Variants in POGZ observed in about 807,000 individuals in gnomAD.
POGZ encodes pogo transposable element derived with ZNF domain.
POGZ carries 17 observed loss-of-function variants against 134.6 expected under a neutral mutation model. That is an observed-to-expected ratio of 0.13 (90% CI 0.09 to 0.19). The LOEUF (loss-of-function observed/expected upper bound fraction) is 0.19, where lower values mean the gene tolerates loss of function less well. POGZ is among the 10% of genes least tolerant of loss of function. The pLI, the probability that POGZ is intolerant of heterozygous loss-of-function variation, is 1.00. For synonymous variants in POGZ, 693 were observed against 657.1 expected (o/e 1.05, Z -0.84); for missense variants, 1,306 against 1,769.7 (o/e 0.74, Z 4.70).
chr1:151,439,531 A>C lies in POGZ; in HGVS notation c.283+1397T>G, dbSNP rs774339764. Among the ~76,000 whole-genome samples, 52 of 152,332 alleles carry C rather than the reference A, an allele frequency of 3.4e-4. 1 individual carries two copies. Among genetic ancestry groups the C allele is most frequent in the Middle Eastern group, 3.4e-3 (1 of 294 alleles). On this transcript the variant is annotated intron_variant, in intron 3 of 18. Coordinates refer to ENST00000271715, the MANE Select transcript of POGZ (RefSeq NM_015100.4). ...TCAAATTATAAACACCTGATCCAGC[A>C]AATCTCACCTCTAAGACTTTATATT...
At position 151,406,602 on chromosome 1, in the gene POGZ, G is replaced by C; in HGVS notation, c.2570+5C>G. 6.2e-7 allele frequency: 1 copy of C among 1,609,904 alleles called. No homozygotes were observed. Among genetic ancestry groups the C allele is most frequent in the Non-Finnish European group, 8.5e-7 (1 of 1,178,616 alleles). On this transcript the variant is annotated splice_donor_5th_base_variant and intron_variant, in intron 18 of 18. Transcript: ENST00000271715. ...AAATTAAATTGTGAGGTGAGTTTTT[G>C]TTACCTTGAGTGAGCTATCCAAGTG...
chr1:151,407,839 G>A (rs1571336463), intron 15 of POGZ, among the ~76,000 whole-genome samples: 1 of 151,660 alleles, frequency 6.6e-6, no homozygotes, highest in Admixed American at 6.6e-5. Flanking sequence ...GTGAAACCCC[G>A]TCTCTACTAA....
In POGZ at chr1:151,452,722, T is replaced by C. The variant is rs544683777; in HGVS notation, c.-2+6430A>G. ...CTACTAAAAATACAAAAATTAGCCA[T>C]GCGTGGTGGCTGGTGCCTGCAGTCC... On this transcript the variant is annotated intron_variant, in intron 1 of 18. Coordinates refer to ENST00000271715, the MANE Select transcript of POGZ (RefSeq NM_015100.4). Among the ~76,000 whole-genome samples the C allele has an allele frequency of 5.3e-5, 8 of 151,702 alleles. 1 individual carries two copies. Among genetic ancestry groups the C allele is most frequent in the Admixed American group, 1.3e-4 (2 of 15,060 alleles).
chr1:151,446,941 TCA>T (rs1661366052), intron 1 of POGZ, among the ~76,000 whole-genome samples: 2 of 152,118 alleles, frequency 1.3e-5, no homozygotes, highest in Admixed American at 1.3e-4. Context: ...TATTCGTCAC[TCA>T]GTTTCAAAAA....
chr1:151,434,923 T>C (rs1367192460), intron 3 of POGZ, among the ~76,000 whole-genome samples: 7 of 151,756 alleles, frequency 4.6e-5, no homozygotes, highest in African/African-American at 9.7e-5. Flanking sequence ...TTTTTTTTTT[T>C]CACAAGGAGT....
At chr1:151,454,378 CTA>C in intron 1 of POGZ, among the ~76,000 whole-genome samples, 1 of 152,166 alleles carries the variant, frequency 6.6e-6, no homozygotes. Context: ...GTGTATAAAA[CTA>C]TAGTTAAACA....
At chr1:151,436,800 T>A (rs1659659008) in intron 3 of POGZ, among the ~76,000 whole-genome samples, 1 of 152,270 alleles carries the variant, frequency 6.6e-6, no homozygotes, top group African/African-American at 2.4e-5. Flanking sequence ...GATACTGCTA[T>A]GAACATTAGT....
At chr1:151,456,404 T>C (rs1211321710) in intron 1 of POGZ, among the ~76,000 whole-genome samples, 1 of 152,202 alleles carries the variant, frequency 6.6e-6, no homozygotes, top group Non-Finnish European at 1.5e-5. Context: ...GTTGTTTTCC[T>C]AAAAGTGACA....
intron 10 of POGZ, 27 bp downstream of exon 10, chr1:151,423,370 C>T: frequency 1.9e-6 from 3 of 1,603,618 alleles, no homozygotes; most frequent in Non-Finnish European, 2.6e-6. Flanking sequence ...GTATATTCCC[C>T]TTGAGTTTAA....
chr1:151,411,872 A>G (rs939801531), intron 11 of POGZ, 101 bp from the exon 12 acceptor site: 56 of 1,023,902 alleles, frequency 5.5e-5, no homozygotes, highest in Non-Finnish European at 7.0e-5. Context: ...TAAAAAAAAA[A>G]AGTTTTCTCA....
intron 1 of POGZ, chr1:151,442,463 A>C: frequency 3.8e-6 from 1 of 261,568 alleles, no homozygotes. Context: ...TAATCCCAAC[A>C]TTTTGGGAAG....
chr1:151,433,746 T>A (rs1571489617), intron 3 of POGZ, among the ~76,000 whole-genome samples: 1 of 152,272 alleles, frequency 6.6e-6, no homozygotes, highest in African/African-American at 2.4e-5. Flanking sequence ...AAATTATACT[T>A]ACTTATTTAG....
Position 151,428,034 on chromosome 1 carries a change from G to A in POGZ, c.867C>T (p.Ser289=). ...NQTTNPKLAP[S]FPSPPAVSIA... is the part of the protein sequence containing the mutation. The stretch of plus-strand genomic sequence containing the variant: ...TGCTCACTGCAGGTGGAGAGGGGAA[G>A]GAGGGAGCTACGGTGACCAAGTGAT... Residue 289 remains serine (S), a synonymous_variant, in exon 7 of 19, where the codon TCC becomes TCT. Coordinates refer to ENST00000271715, the MANE Select transcript of POGZ (RefSeq NM_015100.4). The A allele has an allele frequency of 1.2e-6, 2 of 1,614,190 alleles. No individual in the cohort carries two copies. The highest frequency in any genetic ancestry group is 1.7e-6 in the Non-Finnish European group (2 of 1,180,008).
At position 151,453,820 on chromosome 1, in the gene POGZ, G is replaced by A. The variant is rs578163896; in HGVS notation, c.-2+5332C>T. Among the ~76,000 whole-genome samples the A allele has an allele frequency of 2.0e-5, 3 of 152,248 alleles. No homozygotes were observed. The East Asian group carries it at 5.8e-4, about 29-fold the overall frequency. The stretch of plus-strand genomic sequence containing the variant: ...GGTAGTCTATACTAAGGCCCTATAT[G>A]ATCAGCTAGTCAATAAAAGTCTATA... On this transcript the variant is annotated intron_variant, in intron 1 of 18. Coordinates refer to ENST00000271715, the MANE Select transcript of POGZ (RefSeq NM_015100.4).
In POGZ at chr1:151,411,495, T is replaced by C. The variant is rs71625121; in HGVS notation, c.1926+130A>G. 9,354 of 618,592 alleles carry C rather than the reference T, an allele frequency of 0.015. 101 individuals carry two copies. The highest frequency in any genetic ancestry group is 0.02 in the South Asian group (869 of 44,272). The allele number at this position is 618,592 out of a possible 1,614,324, so 38.3% of individuals were successfully genotyped here. On this transcript the variant is annotated intron_variant, in intron 12 of 18. Transcript: ENST00000271715. ...TACATGGCACATTAAGTGAATTCAA[T>C]AAATTTCTGCAAACATATGCATATT... is the stretch of plus-strand genomic sequence containing the variant.
In POGZ at chr1:151,430,658, C is replaced by T. The variant is rs1415797399; in HGVS notation, c.459+8G>A. ...TCTAGCAACCTTGGAATTCAGAGTC[C>T]TACTCACCTGCGTAGTGATAAATAT... On this transcript the variant is annotated splice_region_variant and intron_variant, in intron 4 of 18. Coordinates refer to ENST00000271715, the MANE Select transcript of POGZ (RefSeq NM_015100.4). The T allele has an allele frequency of 6.3e-7, 1 of 1,597,272 alleles. No homozygotes were observed. The highest frequency in any genetic ancestry group is 8.5e-7 in the Non-Finnish European group (1 of 1,170,500).
intron 10 of POGZ, among the ~76,000 whole-genome samples, chr1:151,416,080 C>T (rs1047433011): frequency 6.7e-6 from 1 of 149,370 alleles, no homozygotes; most frequent in Non-Finnish European, 1.5e-5. Context: ...TGGTGGTGCA[C>T]GCCTGTAATC....
rs752947232 is a variant in POGZ at position 151,406,263 on chromosome 1, C to T, written c.2772G>A (p.Pro924=). 77 of 1,612,886 alleles carry T rather than the reference C, an allele frequency of 4.8e-5. No individual in the cohort carries two copies. In the Admixed American group the frequency reaches 8.2e-4, roughly 17 times the overall value. Residue 924 remains proline, a synonymous_variant, in exon 19 of 19, where the codon CCG becomes CCA. Coordinates refer to ENST00000271715, the MANE Select transcript of POGZ (RefSeq NM_015100.4). ...CCAGCGGTGGAAGGGCTAAAGCCTGCGGGTGAGTGGGGGTTGGTGGTGGGG... is the reference window on the plus strand; with the variant it reads ...CCAGCGGTGGAAGGGCTAAAGCCTGTGGGTGAGTGGGGGTTGGTGGTGGGG... ...TATPPPTPTH[P]QALALPPLAT...
intron 3 of POGZ, among the ~76,000 whole-genome samples, chr1:151,434,645 C>G (rs1416412355): frequency 6.6e-6 from 1 of 152,078 alleles, no homozygotes; most frequent in Admixed American, 6.6e-5. Flanking sequence ...TGCAATGGTG[C>G]AATCTTGGCT....
Sources: gnomAD v4.1 joint callset for allele counts (sites outside exome capture counted in the v4.1 genomes callset) on GRCh38, gnomAD v4.1.1 for gene constraint, MANE v1.5 for transcripts, NCBI Gene and HGNC (gene_info 2026-07-23, HGNC 2026-07-21) for gene names.